Variants in UTRN observed in about 807,000 individuals in gnomAD.
UTRN encodes utrophin.
Under a neutral mutation model 463.9 loss-of-function variants are expected in UTRN, and 283 were observed. The ratio of observed to expected loss-of-function variants is 0.61; its 90% CI spans 0.55 to 0.67. The LOEUF (loss-of-function observed/expected upper bound fraction) is 0.67, where lower values mean the gene tolerates loss of function less well. Ranked by LOEUF, UTRN falls within the 30% of genes least tolerant of loss-of-function variation. UTRN has a pLI of 0.00. For synonymous variants in UTRN, 1,442 were observed against 1,431.5 expected (o/e 1.01, Z -0.17); for missense variants, 3,922 against 4,084.3 (o/e 0.96, Z 1.08).
Position 144,429,679 on chromosome 6 carries a change from G to T in UTRN, c.793G>T (p.Glu265Ter). The change falls in exon 9 of 75, where the codon GAG becomes TAG. Residue 265 changes from glutamate to a stop codon, truncating the protein, a stop_gained. Transcript: ENST00000367545. LOFTEE classifies it high-confidence loss of function. ...GCAAGTCACCATAGACGCCATCCGT[G>T]AGGTAGAGACACTCCCAAGGAAATA... ...PQQVTIDAIR[E>*]VETLPRKYKK... The T allele has an allele frequency of 6.2e-7, 1 of 1,613,162 alleles. No individual in the cohort carries two copies. The highest frequency in any genetic ancestry group is 8.5e-7 in the Non-Finnish European group (1 of 1,179,508).
intron 2 of UTRN, among the ~76,000 whole-genome samples, chr6:144,359,762 G>T: frequency 6.7e-6 from 1 of 148,456 alleles, no homozygotes; most frequent in South Asian, 2.1e-4. Flanking sequence ...CCATTCAACA[G>T]TTAAAGTTGA....
intron 2 of UTRN, among the ~76,000 whole-genome samples, chr6:144,400,564 T>C (rs1301574321): frequency 6.6e-6 from 1 of 152,202 alleles, no homozygotes; most frequent in Non-Finnish European, 1.5e-5. Context: ...AGGCAAATTC[T>C]TGTTCTTTTA....
chr6:144,479,476 T>C (rs139018725), intron 25 of UTRN, among the ~76,000 whole-genome samples: 366 of 152,318 alleles, frequency 2.4e-3, no homozygotes, highest in Middle Eastern at 6.8e-3. Context: ...TAAGTAGTGC[T>C]ACATTAAATT....
chr6:144,403,318 T>A lies in UTRN; in HGVS notation c.141+134T>A. ...TCTTCTGAGTATGCAGATACATTTG[T>A]TGTTCCTTTATTCTGTCCTAAAATA... On this transcript the variant is annotated intron_variant, in intron 3 of 74. Coordinates refer to ENST00000367545, the MANE Select transcript of UTRN (RefSeq NM_007124.3). 4 of 743,912 alleles carry A rather than the reference T, an allele frequency of 5.4e-6. No homozygotes were observed. In the South Asian group the frequency reaches 6.4e-5, roughly 12 times the overall value. 46.1% of individuals were successfully genotyped at this position (743,912 alleles called of 1,614,324 possible).
chr6:144,607,907 C>T (rs181522448), intron 51 of UTRN, among the ~76,000 whole-genome samples: 1 of 152,148 alleles, frequency 6.6e-6, no homozygotes. Flanking sequence ...GCATTGAAAT[C>T]CTCTTGCTCT....
chr6:144,512,266 A>G (rs1795239386), intron 35 of UTRN, among the ~76,000 whole-genome samples: 1 of 152,124 alleles, frequency 6.6e-6, no homozygotes, highest in African/African-American at 2.4e-5. Flanking sequence ...TTTAATTACT[A>G]GCTTTATTTC....
chr6:144,607,714 A>T (rs999161117), intron 51 of UTRN, among the ~76,000 whole-genome samples: 3 of 152,162 alleles, frequency 2.0e-5, no homozygotes, highest in African/African-American at 7.2e-5. Context: ...TTCTGTATAA[A>T]CTACAGTACA....
rs966151977 is a variant in UTRN at position 144,403,124 on chromosome 6, T to A, written c.81T>A (p.Asp27Glu). 1.2e-6 allele frequency: 2 copies of A among 1,613,256 alleles called. No individual in the cohort carries two copies. Among genetic ancestry groups the A allele is most frequent in the African/African-American group, 1.3e-5 (1 of 75,010 alleles). ...EFSDIIKSRS[D>E]EHNDVQKKTF... ...TCTCTTTCTTTTTCCATTCCACAGA[T>A]GAACACAATGACGTACAGAAGAAAA... The change falls in exon 3 of 75, where the codon GAT (aspartate) becomes GAA (glutamate). Residue 27 changes from aspartate to glutamate, a missense_variant and splice_region_variant. By Grantham distance (45) the Asp-to-Glu change is conservative. Around this residue, in one of 3 missense-constraint regions of UTRN, gnomAD observed 264 missense variants for 327.9 expected, o/e 0.81. Transcript: ENST00000367545.
chr6:144,684,078 C>T (rs1407956836), intron 52 of UTRN, among the ~76,000 whole-genome samples: 1 of 140,112 alleles, frequency 7.1e-6, no homozygotes, highest in Admixed American at 7.4e-5. Context: ...GAGACAGAGT[C>T]TTGCTCTGTC....
intron 53 of UTRN, among the ~76,000 whole-genome samples, chr6:144,710,171 A>G (rs978320286): frequency 6.6e-6 from 1 of 152,224 alleles, no homozygotes; most frequent in Non-Finnish European, 1.5e-5. Flanking sequence ...TTCGCCTTAG[A>G]ATAGGGATAT....
In UTRN at chr6:144,372,563, C is replaced by T. The variant is rs542252662; in HGVS notation, c.80-30560C>T. 1.7e-4 allele frequency among the ~76,000 whole-genome samples: 25 copies of T among 150,216 alleles called. No individual in the cohort carries two copies. In the South Asian group the frequency reaches 4.0e-3, roughly 24 times the overall value. On this transcript the variant is annotated intron_variant, in intron 2 of 74. Coordinates refer to ENST00000367545, the MANE Select transcript of UTRN (RefSeq NM_007124.3). ...AGACTGGAGTGCAGTGGTGTGATCT[C>T]GGCTCACTGCAACCTCTGCCTCCCA...
At chr6:144,361,519 C>T (rs1779074972) in intron 2 of UTRN, among the ~76,000 whole-genome samples, 1 of 152,108 alleles carries the variant, frequency 6.6e-6, no homozygotes, top group South Asian at 2.1e-4. Flanking sequence ...GGATCTATTT[C>T]TGGATGCTAA....
chr6:144,616,883 C>T (rs888980926), intron 51 of UTRN, among the ~76,000 whole-genome samples: 7 of 152,116 alleles, frequency 4.6e-5, no homozygotes, highest in Non-Finnish European at 7.4e-5. Flanking sequence ...CCCGCCATAG[C>T]GTTCTACCAC....
intron 34 of UTRN, among the ~76,000 whole-genome samples, chr6:144,509,142 G>A (rs1275632422): frequency 4.6e-5 from 7 of 151,908 alleles, no homozygotes; most frequent in Admixed American, 4.6e-4. Flanking sequence ...TGATATCTTT[G>A]TTATATTAAT....
At chr6:144,306,850 G>A (rs1805784658) in intron 2 of UTRN, among the ~76,000 whole-genome samples, 2 of 151,350 alleles carry the variant, frequency 1.3e-5, no homozygotes. Flanking sequence ...GAGGTCAGGA[G>A]TTCAAGACCA....
chr6:144,798,739 G>T (rs1777451832), intron 64 of UTRN, among the ~76,000 whole-genome samples: 1 of 152,152 alleles, frequency 6.6e-6, no homozygotes, highest in South Asian at 2.1e-4. Flanking sequence ...TTTTGTGTGT[G>T]TCTTTTTTTA....
At chr6:144,548,889 G>C in intron 47 of UTRN, 35 bp downstream of exon 47, 1 of 1,602,300 alleles carries the variant, frequency 6.2e-7, no homozygotes, top group Non-Finnish European at 8.5e-7. Context: ...TCATGGAAAC[G>C]CCACAACCCA....
chr6:144,531,134 G>C lies in UTRN; in HGVS notation c.5989G>C (p.Glu1997Gln), dbSNP rs769321161. 1.1e-5 allele frequency: 17 copies of C among 1,613,930 alleles called. No individual in the cohort carries two copies. The highest frequency in any genetic ancestry group is 1.6e-4 in the Middle Eastern group (1 of 6,080). Residue 1997 changes from glutamate (E) to glutamine (Q), a missense_variant, in exon 42 of 75, where the codon GAA becomes CAA. Glu to Gln is a conservative substitution (Grantham distance 29). Around this residue, in one of 3 missense-constraint regions of UTRN, gnomAD observed 2,349 missense variants for 2,303.8 expected, o/e 1.02. Transcript: ENST00000367545. Reference protein sequence around the residue: ...DLTQWITEAEELLVDTCAPGG... With the variant: ...DLTQWITEAEQLLVDTCAPGG... ...CACACAGTGGATAACAGAGGCTGAA[G>C]AATTACTGGTTGATACCTGTGCTCC...
intron 65 of UTRN, among the ~76,000 whole-genome samples, chr6:144,807,474 C>G (rs1047730145): frequency 6.6e-6 from 1 of 151,704 alleles, no homozygotes; most frequent in Non-Finnish European, 1.5e-5. Flanking sequence ...TCTTATTTCC[C>G]CCTACTATTC....
Sources: gnomAD v4.1 joint callset for allele counts (sites outside exome capture counted in the v4.1 genomes callset) on GRCh38, gnomAD v4.1.1 for gene constraint, gnomAD v4.1.1 regional missense constraint, MANE v1.5 for transcripts, NCBI Gene and HGNC (gene_info 2026-07-23, HGNC 2026-07-21) for gene names.